Variants in ANK1 observed in about 807,000 individuals in gnomAD.
The protein encoded by ANK1 is ankyrin 1.
Under a neutral mutation model 210.4 loss-of-function variants are expected in ANK1, and 51 were observed. That is an observed-to-expected ratio of 0.24 (90% CI 0.19 to 0.31). ANK1 has a LOEUF of 0.31. Ranked by LOEUF, ANK1 falls within the 10% of genes least tolerant of loss-of-function variation. The pLI is 1.00. For missense variants in ANK1, 2,051 were observed against 2,504.4 expected (o/e 0.82, Z 3.86); for synonymous variants, 967 against 1,025.9 (o/e 0.94, Z 1.10).
chr8:41,705,082 G>C (rs183543248), intron 18 of ANK1, among the ~76,000 whole-genome samples: 1 of 152,220 alleles, frequency 6.6e-6, no homozygotes, highest in Admixed American at 6.5e-5. Context: ...AAATGCAAGG[G>C]CTTGGGACAT....
intron 7 of ANK1, 39 bp from the exon 8 acceptor site, chr8:41,723,672 T>C: frequency 1.3e-6 from 2 of 1,586,314 alleles, no homozygotes; most frequent in African/African-American, 2.7e-5. Context: ...CGCGTCATCC[T>C]TCCCTGGAAT....
At chr8:41,734,204 G>A in intron 2 of ANK1, 135 bp from the exon 3 acceptor site, 2 of 812,450 alleles carry the variant, frequency 2.5e-6, no homozygotes, top group Non-Finnish European at 2.1e-6. Context: ...TGTGTCTAGA[G>A]GTTGGAAGGG....
chr8:41,817,565 A>G (rs1803537105), intron 1 of ANK1, among the ~76,000 whole-genome samples: 1 of 152,206 alleles, frequency 6.6e-6, no homozygotes, highest in Admixed American at 6.5e-5. Flanking sequence ...TTGCTCCTTT[A>G]TATCAAGAAG....
intron 1 of ANK1, among the ~76,000 whole-genome samples, chr8:41,891,203 G>A (rs1465792919): frequency 3.3e-5 from 5 of 152,098 alleles, no homozygotes. Context: ...CACCGATGAA[G>A]AGCGCCTGTA....
intron 36 of ANK1, 118 bp from the exon 37 acceptor site, chr8:41,684,808 G>T: frequency 7.7e-7 from 1 of 1,301,042 alleles, no homozygotes; most frequent in Non-Finnish European, 1.1e-6. Flanking sequence ...TCAGAAGGTG[G>T]AGGCACCCTC....
At position 41,715,747 on chromosome 8, in the gene ANK1, C is replaced by T. The variant is rs779607492; in HGVS notation, c.1507G>A (p.Gly503Arg). Residue 503 changes from glycine (G) to arginine (R), a missense_variant, in exon 14 of 43, where the codon GGG (glycine) becomes AGG (arginine). Physicochemically the swap from Gly to Arg is moderately radical, Grantham distance 125. Around this residue, in one of 6 missense-constraint regions of ANK1, gnomAD observed 1,413 missense variants for 1,707.4 expected, o/e 0.83. Transcript: ENST00000289734. ...NANPNLATTAGHTPLHIAARE... is the reference protein window; with the variant it reads ...NANPNLATTARHTPLHIAARE... Reference sequence around the variant, plus strand: ...GCTGCAATGTGCAGGGGGGTGTGCCCGGCGGTGGTGGCCAGGTTGGGGTTG... The same window carrying T: ...GCTGCAATGTGCAGGGGGGTGTGCCTGGCGGTGGTGGCCAGGTTGGGGTTG... 1.4e-5 allele frequency: 22 copies of T among 1,613,912 alleles called. No individual in the cohort carries two copies. Among genetic ancestry groups the T allele is most frequent in the African/African-American group, 9.3e-5 (7 of 74,872 alleles).
chr8:41,693,365 C>T (rs1819825033), intron 29 of ANK1, among the ~76,000 whole-genome samples, 164 bp from the exon 30 acceptor site: 1 of 151,070 alleles, frequency 6.6e-6, no homozygotes, highest in African/African-American at 2.4e-5. Flanking sequence ...CTCCTAGCAA[C>T]CTGCATGCCC....
intron 1 of ANK1, among the ~76,000 whole-genome samples, chr8:41,888,382 T>C (rs1818821425): frequency 1.3e-5 from 2 of 152,350 alleles, no homozygotes; most frequent in East Asian, 3.9e-4. Flanking sequence ...CATTGGAAAC[T>C]ACTCAGACCA....
chr8:41,792,612 G>A (rs1233091190), intron 1 of ANK1, among the ~76,000 whole-genome samples: 18 of 152,186 alleles, frequency 1.2e-4, no homozygotes. Context: ...CCCGCCTCCC[G>A]CCCGCTCACA....
intron 1 of ANK1, among the ~76,000 whole-genome samples, chr8:41,891,890 A>G (rs1401865032): frequency 2.0e-5 from 3 of 152,266 alleles, no homozygotes; most frequent in East Asian, 3.8e-4. Flanking sequence ...GCAATACAAC[A>G]TAAGTATGCT....
At chr8:41,798,816 C>T (rs1355749304), upstream of ANK1, among the ~76,000 whole-genome samples, 2 of 152,174 alleles carry the variant, frequency 1.3e-5, no homozygotes, top group Non-Finnish European at 2.9e-5. Flanking sequence ...TCTCTCCAGC[C>T]TTCCTCACGT....
intron 2 of ANK1, among the ~76,000 whole-genome samples, chr8:41,739,215 C>T (rs76084059): frequency 0.014 from 2,201 of 152,172 alleles, 57 homozygotes; most frequent in African/African-American, 0.048. Flanking sequence ...TCCTCAAGTT[C>T]TTTAATTCTC....
intron 1 of ANK1, among the ~76,000 whole-genome samples, chr8:41,811,610 C>T (rs1439579248): frequency 2.6e-5 from 4 of 152,220 alleles, no homozygotes; most frequent in Non-Finnish European, 5.9e-5. Context: ...CCTCTCCAGG[C>T]CACAGGCCAG....
chr8:41,699,470 A>C lies in ANK1; in HGVS notation c.2540T>G (p.Val847Gly). The change falls in exon 23 of 43, where the codon GTG becomes GGG. Residue 847 changes from valine to glycine, a missense_variant. Around this residue, in one of 6 missense-constraint regions of ANK1, gnomAD observed 1,413 missense variants for 1,707.4 expected, o/e 0.83. Transcript: ENST00000289734. ...TGCTCACACTTGGTCTAGCTTCGGC[A>C]CAAAATCCAGCAGCTCCTTCTCTTC... ...VDEEKELLDF[V>G]PKLDQVVESP... 1 of 1,614,132 alleles carries C rather than the reference A, an allele frequency of 6.2e-7. No individual in the cohort carries two copies. The highest frequency in any genetic ancestry group is 8.5e-7 in the Non-Finnish European group (1 of 1,180,036).
At chr8:41,754,945 G>C (rs1259447432) in intron 2 of ANK1, among the ~76,000 whole-genome samples, 1 of 152,250 alleles carries the variant, frequency 6.6e-6, no homozygotes, top group Non-Finnish European at 1.5e-5. Context: ...GCCACATCTG[G>C]CAGCTGTGGG....
At chr8:41,791,344 G>C (rs991104427) in intron 1 of ANK1, among the ~76,000 whole-genome samples, 1 of 150,978 alleles carries the variant, frequency 6.6e-6, no homozygotes, top group African/African-American at 2.4e-5. Context: ...GCTAATTTTT[G>C]TATTTTTAGA....
At position 41,708,938 on chromosome 8, in the gene ANK1, T is replaced by C. The variant is rs778011135; in HGVS notation, c.1838A>G (p.Asn613Ser). The change falls in exon 17 of 43, where the codon AAC becomes AGC. Residue 613 changes from asparagine to serine, a missense_variant. Physicochemically the swap from Asn to Ser is conservative, Grantham distance 46. Coordinates refer to ENST00000289734, the MANE Select transcript of ANK1 (RefSeq NM_000037.4). ...YTPLHIAAKQ[N>S]QVEVARSLLQ... ...CAGACTACGGGCCACCTCCACCTGGTTCTGCTTGGCAGCGATGTGCAAAGG... is the reference window on the plus strand; with the variant it reads ...CAGACTACGGGCCACCTCCACCTGGCTCTGCTTGGCAGCGATGTGCAAAGG... The C allele has an allele frequency of 5.0e-6, 8 of 1,613,948 alleles. No individual in the cohort carries two copies. The East Asian group carries it at 1.8e-4, about 36-fold the overall frequency.
At chr8:41,715,570 C>A in intron 14 of ANK1, 82 bp downstream of exon 14, 1 of 1,539,702 alleles carries the variant, frequency 6.5e-7, no homozygotes, top group Non-Finnish European at 8.9e-7. Context: ...ACAAAGAGAA[C>A]CAGGCAGGAA....
intron 9 of ANK1, among the ~76,000 whole-genome samples, 186 bp downstream of exon 9, chr8:41,722,939 G>C (rs1829645990): frequency 6.6e-6 from 1 of 152,154 alleles, no homozygotes; most frequent in Admixed American, 6.5e-5. Flanking sequence ...TGCCGACCCT[G>C]ATCTAGTTAG....
Sources: gnomAD v4.1 joint callset for allele counts (sites outside exome capture counted in the v4.1 genomes callset) on GRCh38, gnomAD v4.1.1 for gene constraint, gnomAD v4.1.1 regional missense constraint, MANE v1.5 for transcripts, NCBI Gene and HGNC (gene_info 2026-07-23, HGNC 2026-07-21) for gene names.